Variants in BLTP3A observed in about 807,000 individuals in gnomAD.
The protein encoded by BLTP3A is bridge-like lipid transfer protein family member 3A.
chr6:34,818,836 A>G, the BLTP3A span, among the ~76,000 whole-genome samples: 1 of 152,232 alleles, frequency 6.6e-6, no homozygotes. Context: ...AGCTGTTTTC[A>G]TAGTACCTTC....
chr6:34,836,513 G>A, the BLTP3A span, among the ~76,000 whole-genome samples: 1 of 152,208 alleles, frequency 6.6e-6, no homozygotes, highest in Non-Finnish European at 1.5e-5. Flanking sequence ...TGGTAGCCCT[G>A]TTGTTTGAGG....
chr6:34,845,408 A>T, the BLTP3A span, among the ~76,000 whole-genome samples: 1 of 152,056 alleles, frequency 6.6e-6, no homozygotes, highest in African/African-American at 2.4e-5. Context: ...ATTTCTGCGA[A>T]GAATATCATT....
chr6:34,837,670 C>A, the BLTP3A span, among the ~76,000 whole-genome samples: 205 of 152,068 alleles, frequency 1.3e-3, 2 homozygotes, highest in Middle Eastern at 6.8e-3. Flanking sequence ...CACAGTGAGA[C>A]CCTGTTTCAA....
At chr6:34,845,337 G>T in the BLTP3A span, among the ~76,000 whole-genome samples, 1,288 of 151,702 alleles carry the variant, frequency 8.5e-3, 19 homozygotes, top group African/African-American at 0.027. Context: ...TTCTGTTTTT[G>T]TTTGTTTGTT....
At chr6:34,868,855 C>A in the BLTP3A span, among the ~76,000 whole-genome samples, 1 of 151,732 alleles carries the variant, frequency 6.6e-6, no homozygotes. Flanking sequence ...TGCACCACTG[C>A]ACTCCAGCCT....
chr6:34,863,741 A>G, the BLTP3A span, among the ~76,000 whole-genome samples: 1 of 152,232 alleles, frequency 6.6e-6, no homozygotes, highest in African/African-American at 2.4e-5. Context: ...ATGACCTTGA[A>G]TAAACTTGAC....
the BLTP3A span, among the ~76,000 whole-genome samples, chr6:34,839,266 A>T: frequency 6.6e-6 from 1 of 152,230 alleles, no homozygotes; most frequent in Non-Finnish European, 1.5e-5. Context: ...ACATTTTAAA[A>T]TACGGGAATA....
At chr6:34,822,325 C>T in the BLTP3A span, among the ~76,000 whole-genome samples, 10 of 151,620 alleles carry the variant, frequency 6.6e-5, no homozygotes, top group Non-Finnish European at 1.5e-4. Context: ...TCACTGCAAC[C>T]TCTGCCTCCT....
the BLTP3A span, chr6:34,855,493 T>C: frequency 1.8e-6 from 2 of 1,095,114 alleles, no homozygotes; most frequent in Non-Finnish European, 2.7e-6. Flanking sequence ...CCTGGCCTTT[T>C]GGCTGCACCG....
the BLTP3A span, among the ~76,000 whole-genome samples, chr6:34,870,231 GT>G: frequency 3.3e-5 from 5 of 152,106 alleles, no homozygotes; most frequent in African/African-American, 1.2e-4. Flanking sequence ...TGGAATATAT[GT>G]TTGAGAGTTT....
chr6:34,818,304 A>G, the BLTP3A span, among the ~76,000 whole-genome samples: 3 of 152,104 alleles, frequency 2.0e-5, no homozygotes, highest in Non-Finnish European at 2.9e-5. Flanking sequence ...CCCTGTCTCT[A>G]CAAAAAATAT....
chr6:34,869,612 T>G, the BLTP3A span, among the ~76,000 whole-genome samples: 1 of 150,822 alleles, frequency 6.6e-6, no homozygotes, highest in African/African-American at 2.4e-5. Context: ...TTTTCATTAC[T>G]ATATAATGTT....
chr6:34,805,624 G>A, the BLTP3A span, among the ~76,000 whole-genome samples: 1 of 148,440 alleles, frequency 6.7e-6, no homozygotes. Flanking sequence ...TAAGCTGGGT[G>A]TGGTGGTGCA....
At chr6:34,808,585 C>CTT in the BLTP3A span, among the ~76,000 whole-genome samples, 1 of 147,364 alleles carries the variant, frequency 6.8e-6, no homozygotes, top group African/African-American at 2.5e-5. Context: ...TTATGAACAC[C>CTT]TTTTTTTTTT....
the BLTP3A span, among the ~76,000 whole-genome samples, chr6:34,829,536 C>T: frequency 6.6e-6 from 1 of 152,168 alleles, no homozygotes; most frequent in Admixed American, 6.6e-5. Flanking sequence ...CATTTTGTTA[C>T]ATATGTTTGT....
the BLTP3A span, among the ~76,000 whole-genome samples, chr6:34,824,271 G>T: frequency 6.6e-6 from 1 of 152,024 alleles, no homozygotes; most frequent in Non-Finnish European, 1.5e-5. Flanking sequence ...GGTGGCTCAC[G>T]CCTGTAATCC....
the BLTP3A span, among the ~76,000 whole-genome samples, chr6:34,814,752 T>A: frequency 2.6e-5 from 4 of 152,162 alleles, no homozygotes; most frequent in African/African-American, 9.7e-5. Flanking sequence ...TCTGGTTGAG[T>A]TGGTGAAGTG....
chr6:34,862,391 T>A, the BLTP3A span, among the ~76,000 whole-genome samples: 66 of 151,072 alleles, frequency 4.4e-4, no homozygotes, highest in African/African-American at 1.5e-3. Flanking sequence ...AAAAAAATAA[T>A]AATAAAATAA....
chr6:34,875,930 A>C, the BLTP3A span: 2 of 152,612 alleles, frequency 1.3e-5, no homozygotes, highest in Non-Finnish European at 2.9e-5. Flanking sequence ...AGAAATAACA[A>C]TACCTCAAGA....
Sources: allele counts gnomAD v4.1 joint callset (sites outside exome capture counted in the v4.1 genomes callset), GRCh38; gene constraint gnomAD v4.1.1; transcripts MANE v1.5; gene names NCBI Gene and HGNC (gene_info 2026-07-23, HGNC 2026-07-21).